Variants in CMPK1 observed in about 807,000 individuals in gnomAD.
CMPK1 encodes the protein cytidine/uridine monophosphate kinase 1, also known as UMP-CMP kinase.
A neutral mutation model predicts 25.7 loss-of-function variants in CMPK1; 10 were observed. The ratio of observed to expected loss-of-function variants is 0.39; its 90% CI spans 0.24 to 0.66. The LOEUF is 0.66. Ranked by LOEUF, CMPK1 falls within the 30% of genes least tolerant of loss-of-function variation. The pLI is 0.48. For missense variants in CMPK1, 199 were observed against 280.5 expected, an observed-to-expected ratio of 0.71 and a Z score of 2.08; for synonymous variants, 106 against 101.5, an observed-to-expected ratio of 1.04 and a Z score of -0.27.
intron 1 of CMPK1, among the ~76,000 whole-genome samples, chr1:47,355,769 G>C (rs978606087): frequency 2.6e-5 from 4 of 151,538 alleles, no homozygotes; most frequent in Admixed American, 6.6e-5. Flanking sequence ...ACCACACCTG[G>C]CTAATTTTTG....
At chr1:47,368,704 G>C in intron 2 of CMPK1, 89 bp downstream of exon 2, 1 of 1,223,256 alleles carries the variant, frequency 8.2e-7, no homozygotes, top group Middle Eastern at 2.2e-4. Context: ...TCATGCTTGT[G>C]ATCCCAGCAT....
chr1:47,373,166 A>G (rs543910696), intron 3 of CMPK1, 59 bp downstream of exon 3: 15 of 1,472,572 alleles, frequency 1.0e-5, no homozygotes, highest in Non-Finnish European at 1.3e-5. Flanking sequence ...CAACTATTAG[A>G]AAAAACAAAG....
chr1:47,357,634 G>A (rs1170244293), intron 1 of CMPK1, among the ~76,000 whole-genome samples: 2 of 151,874 alleles, frequency 1.3e-5, no homozygotes, highest in African/African-American at 2.4e-5. Flanking sequence ...ACAGGCACCC[G>A]CCGTCATGCG....
intron 1 of CMPK1, among the ~76,000 whole-genome samples, chr1:47,350,046 TCCGC>T (rs1557805298): frequency 6.6e-6 from 1 of 152,172 alleles, no homozygotes; most frequent in Non-Finnish European, 1.5e-5. Context: ...CCTCAAGTGA[TCCGC>T]CCACCTCGGC....
Position 47,358,161 on chromosome 1 carries a change from G to C in CMPK1, c.172-10308G>C, listed in dbSNP as rs12130328. On this transcript the variant is annotated intron_variant, in intron 1 of 5. Coordinates refer to ENST00000371873, the MANE Select transcript of CMPK1 (RefSeq NM_016308.3). ...GAGTCTCATTCTGTTTCCTAGGCTA[G>C]AGTGCAGTGGTACAGTTATAGCTTA... The C allele has an allele frequency of 1.5e-5, 3 of 196,368 alleles. No homozygotes were observed. In the South Asian group the frequency reaches 1.7e-4, roughly 11 times the overall value. The allele number at this position is 196,368 out of a possible 1,614,324, so 12.2% of individuals were successfully genotyped here.
chr1:47,370,567 G>A (rs1006011730), intron 2 of CMPK1, among the ~76,000 whole-genome samples: 6 of 151,494 alleles, frequency 4.0e-5, no homozygotes, highest in African/African-American at 1.5e-4. Flanking sequence ...CATGAACCTG[G>A]GAGGCAGAGG....
At chr1:47,345,255 T>G (rs1385502164) in intron 1 of CMPK1, among the ~76,000 whole-genome samples, 1 of 151,816 alleles carries the variant, frequency 6.6e-6, no homozygotes, top group Non-Finnish European at 1.5e-5. Context: ...GCCTTAGTCA[T>G]CCTTCAGATC....
intron 1 of CMPK1, among the ~76,000 whole-genome samples, chr1:47,352,300 A>G (rs1301535590): frequency 6.6e-6 from 1 of 152,120 alleles, no homozygotes. Context: ...TTTTCTTGGT[A>G]GTGGTATTTC....
chr1:47,351,819 TC>T lies in CMPK1; in HGVS notation c.172-16649del, dbSNP rs202039423. Among the ~76,000 whole-genome samples the T allele has an allele frequency of 2.5e-3, 374 of 151,790 alleles. 1 individual carries two copies. Among genetic ancestry groups the T allele is most frequent in the African/African-American group, 8.5e-3 (351 of 41,494 alleles). ...GTGTGAAGGGTTTTTTGTTTTTTTT[TC>T]TCCTCAGAATAGTGCATTTAAAAAA... On this transcript the variant is annotated intron_variant, in intron 1 of 5. Transcript: ENST00000371873.
intron 1 of CMPK1, among the ~76,000 whole-genome samples, chr1:47,346,505 T>TC (rs1646485018): frequency 6.7e-6 from 1 of 149,776 alleles, no homozygotes; most frequent in South Asian, 2.1e-4. Flanking sequence ...TCTCTCTCTC[T>TC]TTTTTTTTTC....
At chr1:47,343,233 T>C (rs983203178) in intron 1 of CMPK1, among the ~76,000 whole-genome samples, 21 of 150,848 alleles carry the variant, frequency 1.4e-4, no homozygotes, top group African/African-American at 5.1e-4. Context: ...GTGATCCACC[T>C]GCCTTGGCCT....
At chr1:47,355,046 GA>G (rs777942383) in intron 1 of CMPK1, among the ~76,000 whole-genome samples, 53 of 151,820 alleles carry the variant, frequency 3.5e-4, no homozygotes, top group Non-Finnish European at 1.0e-4. Flanking sequence ...GTGGAAAATG[GA>G]ATCACATTGT....
chr1:47,357,931 C>T (rs61784773), intron 1 of CMPK1, among the ~76,000 whole-genome samples: 6 of 152,090 alleles, frequency 3.9e-5, no homozygotes, highest in South Asian at 2.1e-4. Context: ...ACTTGGGGCA[C>T]GTTCAAACCA....
At chr1:47,337,695 C>G (rs369795117) in intron 1 of CMPK1, among the ~76,000 whole-genome samples, 1 of 151,788 alleles carries the variant, frequency 6.6e-6, no homozygotes, top group South Asian at 2.1e-4. Context: ...CTCGCTGCAG[C>G]CTCCATCTTC....
chr1:47,342,093 T>C (rs3122623), intron 1 of CMPK1, among the ~76,000 whole-genome samples: 63,895 of 150,822 alleles, frequency 0.42, 15,570 homozygotes, highest in South Asian at 0.56. Context: ...TTTTATTTTA[T>C]TTTTTTGAGA....
At chr1:47,339,466 T>C (rs1377809673) in intron 1 of CMPK1, among the ~76,000 whole-genome samples, 1 of 152,208 alleles carries the variant, frequency 6.6e-6, no homozygotes, top group Admixed American at 6.5e-5. Context: ...ATTTCATTTA[T>C]CTTTGTGTCC....
intron 5 of CMPK1, among the ~76,000 whole-genome samples, 198 bp downstream of exon 5, chr1:47,375,491 G>A (rs1646701990): frequency 8.2e-6 from 1 of 122,092 alleles, no homozygotes; most frequent in Admixed American, 8.2e-5. Flanking sequence ...CTGGGACTCT[G>A]TCTCTTAAAA....
intron 1 of CMPK1, among the ~76,000 whole-genome samples, chr1:47,341,290 G>A (rs190932638): frequency 2.0e-5 from 3 of 152,306 alleles, no homozygotes; most frequent in Non-Finnish European, 2.9e-5. Flanking sequence ...TGAGATTAGT[G>A]TATTTTTTGC....
At chr1:47,344,970 G>A (rs1171566517) in intron 1 of CMPK1, among the ~76,000 whole-genome samples, 1 of 151,784 alleles carries the variant, frequency 6.6e-6, no homozygotes, top group Admixed American at 6.6e-5. Flanking sequence ...AGGCTGGAGT[G>A]CAGTGGTGCG....
Sources: gnomAD v4.1 joint callset for allele counts (sites outside exome capture counted in the v4.1 genomes callset) on GRCh38, gnomAD v4.1.1 for gene constraint, MANE v1.5 for transcripts, NCBI Gene and HGNC (gene_info 2026-07-23, HGNC 2026-07-21) for gene names.